The following CDK14 variants were observed in gnomAD, a reference collection of about 807,000 sequenced individuals.
The protein encoded by CDK14 is cyclin dependent kinase 14, also known as cyclin-dependent kinase 14.
Under a neutral mutation model 60.7 loss-of-function variants are expected in CDK14, and 34 were observed. The observed-to-expected ratio is 0.56, with a 90% CI of 0.43 to 0.75. The LOEUF (loss-of-function observed/expected upper bound fraction) is 0.75. CDK14 is among the 30% of genes least tolerant of loss of function. The probability of loss-of-function intolerance (pLI) is 0.00; values close to 1 mark genes in which losing one functional copy is unlikely to be tolerated. For synonymous variants in CDK14, 197 were observed against 203.7 expected (o/e 0.97, Z 0.28); for missense variants, 482 against 564.1 (o/e 0.85, Z 1.47).
chr7:90,822,597 G>T (rs747701106), intron 5 of CDK14, among the ~76,000 whole-genome samples: 1 of 152,116 alleles, frequency 6.6e-6, no homozygotes, highest in African/African-American at 2.4e-5. Flanking sequence ...TACCTGCAGA[G>T]CAGCCTTTGC....
rs1202011998 is a variant in CDK14, at chr7:91,185,944, CT to C, written c.*29-21218del. 3.9e-5 allele frequency among the ~76,000 whole-genome samples: 6 copies of C among 152,174 alleles called. No homozygotes were observed. The South Asian group carries it at 8.3e-4, about 21-fold the overall frequency. ...ACAGCCTCAGGCAACTACTCATCTA[CT>C]TTCTGTTTATGTGGATTTACCAATT... On this transcript the variant is annotated intron_variant, in intron 14 of 14. Transcript: ENST00000380050.
intron 2 of CDK14, among the ~76,000 whole-genome samples, chr7:90,628,033 C>T (rs893133521): frequency 3.9e-5 from 6 of 152,182 alleles, no homozygotes; most frequent in Non-Finnish European, 5.9e-5. Flanking sequence ...TGGCTCACTA[C>T]GGCCTTGACC....
At chr7:90,958,303 A>C (rs563433995) in intron 9 of CDK14, among the ~76,000 whole-genome samples, 85 of 152,292 alleles carry the variant, frequency 5.6e-4, no homozygotes, top group African/African-American at 1.9e-3. Flanking sequence ...TTTTGTGTAC[A>C]TGAGAACGTA....
intron 2 of CDK14, chr7:90,710,246 C>T (rs375342970): frequency 1.1e-5 from 11 of 985,070 alleles, no homozygotes; most frequent in Non-Finnish European, 1.1e-5. Flanking sequence ...AAAGGTTTAA[C>T]GACTGCTTCT....
intron 5 of CDK14, among the ~76,000 whole-genome samples, chr7:90,803,033 A>G (rs1367302326): frequency 2.0e-5 from 3 of 151,950 alleles, no homozygotes; most frequent in Non-Finnish European, 2.9e-5. Flanking sequence ...AGACTTTAAT[A>G]CGCTGTTTGG....
At chr7:91,198,606 A>G (rs1802624582) in intron 14 of CDK14, among the ~76,000 whole-genome samples, 2 of 152,326 alleles carry the variant, frequency 1.3e-5, no homozygotes, top group South Asian at 2.1e-4. Flanking sequence ...ATTGGAAAGA[A>G]ATCTCCCATG....
intron 4 of CDK14, among the ~76,000 whole-genome samples, chr7:90,768,621 C>T (rs998817346): frequency 2.6e-5 from 4 of 152,004 alleles, no homozygotes; most frequent in Non-Finnish European, 4.4e-5. Context: ...TTCGAATATC[C>T]GATATAATTT....
chr7:90,915,496 A>C (rs1156783839), intron 7 of CDK14, among the ~76,000 whole-genome samples: 2 of 152,190 alleles, frequency 1.3e-5, no homozygotes, highest in African/African-American at 4.8e-5. Flanking sequence ...ACAATGCCTG[A>C]GCCTGCACCC....
At chr7:90,776,869 C>G (rs1033445605) in intron 4 of CDK14, among the ~76,000 whole-genome samples, 7 of 152,098 alleles carry the variant, frequency 4.6e-5, no homozygotes, top group Non-Finnish European at 8.8e-5. Flanking sequence ...CAAACCTTTA[C>G]AGAAGACGAT....
At chr7:90,686,699 A>G (rs745902827) in intron 2 of CDK14, among the ~76,000 whole-genome samples, 15 of 152,168 alleles carry the variant, frequency 9.9e-5, no homozygotes, top group Non-Finnish European at 2.1e-4. Flanking sequence ...CATAAGATGA[A>G]ATAGGAGTAT....
chr7:90,946,373 A>G (rs575276059), intron 8 of CDK14, among the ~76,000 whole-genome samples: 1 of 152,322 alleles, frequency 6.6e-6, no homozygotes, highest in South Asian at 2.1e-4. Flanking sequence ...GTAGCTTTAA[A>G]ATTATCAAAA....
At position 90,906,458 on chromosome 7, in the gene CDK14, T is replaced by C. The variant is rs565213927; in HGVS notation, c.702+7105T>C. 2.0e-5 allele frequency among the ~76,000 whole-genome samples: 3 copies of C among 152,274 alleles called. No homozygotes were observed. In the East Asian group the frequency reaches 5.8e-4, roughly 29 times the overall value. On this transcript the variant is annotated intron_variant, in intron 7 of 14. Coordinates refer to ENST00000380050, the MANE Select transcript of CDK14 (RefSeq NM_001287135.2). ...TATTAAATGTTCAGAATGTGATGAA[T>C]ACTTAATTTTTATTATGGTGAACAA...
At chr7:90,852,666 C>T (rs1277897015) in intron 5 of CDK14, among the ~76,000 whole-genome samples, 2 of 152,070 alleles carry the variant, frequency 1.3e-5, no homozygotes, top group African/African-American at 2.4e-5. Flanking sequence ...TATTAGCAGC[C>T]GAGCATTACC....
intron 12 of CDK14, among the ~76,000 whole-genome samples, chr7:91,087,147 T>G (rs930050854): frequency 6.6e-6 from 1 of 152,170 alleles, no homozygotes; most frequent in Non-Finnish European, 1.5e-5. Flanking sequence ...CCATTCCACC[T>G]TCTACTTATT....
At chr7:90,802,142 G>A (rs565732682) in intron 5 of CDK14, among the ~76,000 whole-genome samples, 2 of 152,260 alleles carry the variant, frequency 1.3e-5, no homozygotes, top group African/African-American at 2.4e-5. Context: ...TCGCTGTTTG[G>A]AATTGTTCAT....
chr7:90,969,006 C>G (rs961101920), intron 9 of CDK14, among the ~76,000 whole-genome samples: 1 of 152,150 alleles, frequency 6.6e-6, no homozygotes, highest in Non-Finnish European at 1.5e-5. Context: ...CTGCATTGTA[C>G]AACCCCAAAG....
At chr7:91,040,094 A>G (rs1797046416) in intron 10 of CDK14, among the ~76,000 whole-genome samples, 1 of 152,124 alleles carries the variant, frequency 6.6e-6, no homozygotes, top group Non-Finnish European at 1.5e-5. Flanking sequence ...GAAAAATAAA[A>G]CAATTCCTTC....
chr7:90,604,031 A>T (rs1247798791), intron 1 of CDK14, among the ~76,000 whole-genome samples, 187 bp from the exon 2 acceptor site: 2 of 152,254 alleles, frequency 1.3e-5, no homozygotes, highest in Non-Finnish European at 2.9e-5. Context: ...CAAAAGATGC[A>T]TGCTGTGCAA....
At position 90,668,696 on chromosome 7, in the gene CDK14, A is replaced by ATTATTTTTTTTTTTTTTTTTTT. The variant is rs1554431005; in HGVS notation, c.124-57869_124-57868insATTTTTTTTTTTTTTTTTTTTT. 5.6e-4 allele frequency among the ~76,000 whole-genome samples: 38 copies of ATTATTTTTTTTTTTTTTTTTTT among 68,430 alleles called. 1 individual carries two copies. Among genetic ancestry groups the ATTATTTTTTTTTTTTTTTTTTT allele is most frequent in the Middle Eastern group, 0.011 (1 of 94 alleles). The allele number at this position is 68,430 out of a possible 152,430, so 44.9% of individuals were successfully genotyped here. On this transcript the variant is annotated intron_variant, in intron 2 of 14. Transcript: ENST00000380050. ...TTATATGGTGTAAGGAAGGACTCGC[A>ATTATTTTTTTTTTTTTTTTTTT]TTCTTTTTTTTTTTTTTTTTTTTTT...
Sources: allele counts gnomAD v4.1 joint callset (sites outside exome capture counted in the v4.1 genomes callset), GRCh38; gene constraint gnomAD v4.1.1; transcripts MANE v1.5; gene names NCBI Gene and HGNC (gene_info 2026-07-23, HGNC 2026-07-21).